EEPD1: variants seen among roughly 807,000 people sequenced by gnomAD.
EEPD1 encodes the protein endonuclease/exonuclease/phosphatase family domain containing 1.
Under a neutral mutation model 46.3 loss-of-function variants are expected in EEPD1, and 17 were observed. The ratio of observed to expected loss-of-function variants is 0.37; its 90% CI spans 0.25 to 0.55. The LOEUF (loss-of-function observed/expected upper bound fraction) is 0.55. Among genes scored for constraint, EEPD1 ranks in the 20% least tolerant of loss-of-function variants. The pLI, the probability that EEPD1 is intolerant of heterozygous loss-of-function variation, is 0.83. For synonymous variants in EEPD1, 313 were observed against 315.6 expected, an observed-to-expected ratio of 0.99 and a Z score of 0.09; for missense variants, 673 against 745.6, an observed-to-expected ratio of 0.90 and a Z score of 1.13.
intron 3 of EEPD1, among the ~76,000 whole-genome samples, chr7:36,247,804 G>A (rs536826485): frequency 1.6e-4 from 25 of 152,304 alleles, no homozygotes; most frequent in Non-Finnish European, 2.5e-4. Flanking sequence ...TCCTATCTCC[G>A]CATTTCCCAG....
chr7:36,266,872 T>C (rs1462935403), intron 3 of EEPD1, among the ~76,000 whole-genome samples: 1 of 152,258 alleles, frequency 6.6e-6, no homozygotes, highest in African/African-American at 2.4e-5. Context: ...CTTAGTGTAA[T>C]GTGTTCAAGG....
chr7:36,212,571 A>G (rs1202406361), intron 2 of EEPD1, among the ~76,000 whole-genome samples: 3 of 31,218 alleles, frequency 9.6e-5, no homozygotes, highest in African/African-American at 2.1e-4. Context: ...CTCTGTTTGC[A>G]TCATGCTTGC....
chr7:36,281,315 C>A, intron 4 of EEPD1, 90 bp downstream of exon 4: 1 of 1,147,320 alleles, frequency 8.7e-7, no homozygotes, highest in Non-Finnish European at 1.3e-6. Flanking sequence ...TTTCCTTTGC[C>A]AATATCCCCG....
intron 2 of EEPD1, among the ~76,000 whole-genome samples, chr7:36,182,501 G>A (rs1463235978): frequency 6.6e-6 from 1 of 152,128 alleles, no homozygotes; most frequent in Non-Finnish European, 1.5e-5. Flanking sequence ...CTTATACAGA[G>A]GTTAAAAACA....
chr7:36,210,046 G>C (rs1291079268), intron 2 of EEPD1, among the ~76,000 whole-genome samples: 1 of 152,134 alleles, frequency 6.6e-6, no homozygotes, highest in African/African-American at 2.4e-5. Context: ...AGGCAGGTTT[G>C]GACTTCCTGC....
intron 2 of EEPD1, among the ~76,000 whole-genome samples, chr7:36,179,525 A>G (rs1347019128): frequency 6.6e-6 from 1 of 151,896 alleles, no homozygotes; most frequent in Non-Finnish European, 1.5e-5. Context: ...GTTCGAGACC[A>G]GCCTGGCCAA....
chr7:36,194,534 C>T (rs1162902794), intron 2 of EEPD1, among the ~76,000 whole-genome samples: 1 of 152,184 alleles, frequency 6.6e-6, no homozygotes, highest in Non-Finnish European at 1.5e-5. Context: ...TCTGCATTTC[C>T]CTTGTATCAG....
chr7:36,161,255 C>T (rs975227296), intron 2 of EEPD1, among the ~76,000 whole-genome samples: 7 of 152,196 alleles, frequency 4.6e-5, no homozygotes, highest in Non-Finnish European at 1.0e-4. Context: ...GAAGACCCCA[C>T]TTTGTGGTCG....
At chr7:36,243,542 A>G (rs1276307630) in intron 3 of EEPD1, among the ~76,000 whole-genome samples, 6 of 152,152 alleles carry the variant, frequency 3.9e-5, no homozygotes, top group Non-Finnish European at 7.3e-5. Context: ...GAGTTTTGTA[A>G]TCACTGAACT....
chr7:36,263,613 C>T (rs1028084962), intron 3 of EEPD1, among the ~76,000 whole-genome samples: 1 of 152,160 alleles, frequency 6.6e-6, no homozygotes, highest in Admixed American at 6.5e-5. Flanking sequence ...ATGTACAATT[C>T]GAAGGGGTAA....
At position 36,281,233 on chromosome 7, in the gene EEPD1, C is replaced by T. The variant is rs1423870227; in HGVS notation, c.1041+8C>T. On this transcript the variant is annotated splice_region_variant and intron_variant, in intron 4 of 7. Coordinates refer to ENST00000242108, the MANE Select transcript of EEPD1 (RefSeq NM_030636.3). ...TCGAGTCAGCTCCAGAAGGTACCCT[C>T]GTCTGCAAAGCCTGGCCTTTCCCTT... The T allele has an allele frequency of 4.3e-6, 7 of 1,610,858 alleles. No homozygotes were observed. Among genetic ancestry groups the T allele is most frequent in the Non-Finnish European group, 5.9e-6 (7 of 1,177,238 alleles).
At chr7:36,158,005 C>A (rs114598408) in intron 2 of EEPD1, among the ~76,000 whole-genome samples, 1 of 152,314 alleles carries the variant, frequency 6.6e-6, no homozygotes, top group South Asian at 2.1e-4. Context: ...CCATGTGTAC[C>A]TGTAATAAAA....
chr7:36,202,679 G>A (rs906613151), intron 2 of EEPD1, among the ~76,000 whole-genome samples: 4 of 152,136 alleles, frequency 2.6e-5, no homozygotes, highest in African/African-American at 9.7e-5. Flanking sequence ...CTCGGTGTCC[G>A]TGAGAACCAA....
rs192476060 is a variant in EEPD1 at position 36,245,027 on chromosome 7, C to A, written c.930+5991C>A. On this transcript the variant is annotated intron_variant, in intron 3 of 7. Transcript: ENST00000242108. ...GTAGTATGATCTCGGCTCACTGCAA[C>A]CTTCACCTCCCAGGTGCAAGCAATT... Among the ~76,000 whole-genome samples, 752 of 152,012 alleles carry A rather than the reference C, an allele frequency of 4.9e-3. 3 individuals are homozygous for A. The highest frequency in any genetic ancestry group is 7.9e-3 in the Non-Finnish European group (535 of 67,982).
In EEPD1 at chr7:36,196,482, C is replaced by G. The variant is rs556874035; in HGVS notation, c.878+41280C>G. 2.0e-5 allele frequency among the ~76,000 whole-genome samples: 3 copies of G among 152,324 alleles called. No homozygotes were observed. In the East Asian group the frequency reaches 5.8e-4, roughly 29 times the overall value. On this transcript the variant is annotated intron_variant, in intron 2 of 7. Coordinates refer to ENST00000242108, the MANE Select transcript of EEPD1 (RefSeq NM_030636.3). ...GCCGGGCCAAAGCTGGACTGTACTG[C>G]TGCCATCTTGGCTCGCTGCAGCCTC...
At chr7:36,207,235 A>G (rs1056553503) in intron 2 of EEPD1, among the ~76,000 whole-genome samples, 1 of 152,152 alleles carries the variant, frequency 6.6e-6, no homozygotes, top group Non-Finnish European at 1.5e-5. Context: ...CGTGGTTCGA[A>G]TGGTAGTGGG....
intron 4 of EEPD1, among the ~76,000 whole-genome samples, chr7:36,281,714 T>C (rs1045488113): frequency 6.6e-6 from 1 of 152,240 alleles, no homozygotes; most frequent in African/African-American, 2.4e-5. Context: ...ATCACCCATA[T>C]GAGCAGGTAA....
chr7:36,246,197 G>A (rs1414825734), intron 3 of EEPD1, among the ~76,000 whole-genome samples: 2 of 152,122 alleles, frequency 1.3e-5, no homozygotes, highest in African/African-American at 4.8e-5. Flanking sequence ...GGAGACACAG[G>A]CCACCCACCT....
chr7:36,188,277 TTTAGTAA>T (rs1476899371), intron 2 of EEPD1, among the ~76,000 whole-genome samples: 1 of 152,214 alleles, frequency 6.6e-6, no homozygotes, highest in Non-Finnish European at 1.5e-5. Context: ...ATGTATCCTT[TTTAGTAA>T]TCAGTATAGC....
Sources: gnomAD v4.1 joint callset for allele counts (sites outside exome capture counted in the v4.1 genomes callset) on GRCh38, gnomAD v4.1.1 for gene constraint, MANE v1.5 for transcripts, NCBI Gene and HGNC (gene_info 2026-07-23, HGNC 2026-07-21) for gene names.